Variants in SLIT3 observed in about 807,000 individuals in gnomAD.
The protein encoded by SLIT3 is slit homolog 3 protein.
A neutral mutation model predicts 184.0 loss-of-function variants in SLIT3; 68 were observed. The observed-to-expected ratio is 0.37, with a 90% CI of 0.30 to 0.45. The LOEUF (loss-of-function observed/expected upper bound fraction) is 0.45, where lower values mean the gene tolerates loss of function less well. SLIT3 is among the 20% of genes least tolerant of loss of function. The pLI is 1.00. For missense variants in SLIT3, 1,707 were observed against 2,026.0 expected, an observed-to-expected ratio of 0.84 and a Z score of 3.02; for synonymous variants, 831 against 828.6, an observed-to-expected ratio of 1.00 and a Z score of -0.05.
In SLIT3 at chr5:169,300,626, C is replaced by T. The variant is rs777563007; in HGVS notation, c.84G>A (p.Gly28=). ...LALALASVLS[G]PPAVACPTKC... is the part of the protein sequence containing the mutation. ...TGGTGGGGCAGGCGACGGCTGGAGG[C>T]CCACTCAGGACGCTCGCCAGCGCCA... The change falls in exon 1 of 36, where the codon GGG becomes GGA. Residue 28 remains glycine (G), a synonymous_variant. Coordinates refer to ENST00000519560, the MANE Select transcript of SLIT3 (RefSeq NM_003062.4). This position sits in a 1 kb window ranked among gnomAD's most constrained non-coding sequence, Gnocchi z 4.1. 1.3e-4 allele frequency: 197 copies of T among 1,501,352 alleles called. 1 individual carries two copies. Among genetic ancestry groups the T allele is most frequent in the Non-Finnish European group, 9.9e-5 (112 of 1,130,602 alleles). 93.0% of individuals were successfully genotyped at this position (1,501,352 alleles called of 1,614,324 possible).
At chr5:168,748,242 A>T (rs927268990) in intron 20 of SLIT3, 60 bp downstream of exon 20, 14 of 1,429,416 alleles carry the variant, frequency 9.8e-6, no homozygotes, top group Non-Finnish European at 1.3e-5. Flanking sequence ...GGGGTAAAGT[A>T]TGGAGGATGC....
intron 4 of SLIT3, among the ~76,000 whole-genome samples, chr5:168,920,561 C>T (rs534766944): frequency 2.6e-5 from 4 of 152,248 alleles, no homozygotes; most frequent in African/African-American, 9.6e-5. Flanking sequence ...TACAGCTCCC[C>T]GACTTCCTTA....
At chr5:168,919,990 A>C (rs1040281064) in intron 4 of SLIT3, among the ~76,000 whole-genome samples, 1 of 152,050 alleles carries the variant, frequency 6.6e-6, no homozygotes. Flanking sequence ...ATATAGTACT[A>C]AGTTATTTAG....
At chr5:168,989,355 T>C (rs781389380) in intron 4 of SLIT3, among the ~76,000 whole-genome samples, 3 of 152,234 alleles carry the variant, frequency 2.0e-5, no homozygotes, top group African/African-American at 7.2e-5. Flanking sequence ...GTGATTCTTC[T>C]ACAAAATAGA....
At chr5:168,685,340 C>A (rs938610621) in intron 31 of SLIT3, among the ~76,000 whole-genome samples, 1 of 152,196 alleles carries the variant, frequency 6.6e-6, no homozygotes, top group Non-Finnish European at 1.5e-5. Context: ...AGCCAGCCAC[C>A]CAGAATGAGA....
chr5:168,998,703 C>G (rs568613686), intron 4 of SLIT3, among the ~76,000 whole-genome samples: 20 of 86,244 alleles, frequency 2.3e-4, no homozygotes, highest in African/African-American at 1.0e-3. Flanking sequence ...GACTCCATTT[C>G]AAAACAAAAC....
intron 4 of SLIT3, among the ~76,000 whole-genome samples, chr5:169,155,574 T>C (rs1323947265): frequency 2.0e-5 from 3 of 152,308 alleles, no homozygotes; most frequent in Non-Finnish European, 2.9e-5. Context: ...AGAGAAAATA[T>C]GAGCCTGAGT....
chr5:169,152,106 A>G (rs1264715387), intron 4 of SLIT3, among the ~76,000 whole-genome samples: 1 of 152,208 alleles, frequency 6.6e-6, no homozygotes, highest in East Asian at 1.9e-4. Flanking sequence ...TTGACCAGGC[A>G]ACACTGGACC....
In SLIT3 at chr5:168,887,639, G is replaced by C. The variant is rs1760271369; in HGVS notation, c.414-4303C>G. Among the ~76,000 whole-genome samples the C allele has an allele frequency of 3.3e-5, 5 of 152,048 alleles. No homozygotes were observed. The South Asian group carries it at 1.0e-3, about 32-fold the overall frequency. ...GTCTCACATCTCCAACTGTCAAATG[G>C]GACTGCTTTCCTAAGTCATACGGAT... On this transcript the variant is annotated intron_variant, in intron 4 of 35. Coordinates refer to ENST00000519560, the MANE Select transcript of SLIT3 (RefSeq NM_003062.4).
At chr5:168,809,152 T>C (rs182357587) in intron 8 of SLIT3, among the ~76,000 whole-genome samples, 60 of 152,268 alleles carry the variant, frequency 3.9e-4, no homozygotes, top group African/African-American at 1.4e-3. Flanking sequence ...CTTCCAAAAG[T>C]ACCCCTTTCT....
intron 20 of SLIT3, among the ~76,000 whole-genome samples, chr5:168,731,287 G>A (rs973132727): frequency 1.1e-4 from 17 of 151,810 alleles, no homozygotes; most frequent in African/African-American, 3.9e-4. Flanking sequence ...GACTGAATCA[G>A]TAATACAAAA....
chr5:169,002,491 G>A (rs1374427285), intron 4 of SLIT3, among the ~76,000 whole-genome samples: 3 of 152,072 alleles, frequency 2.0e-5, no homozygotes, highest in Non-Finnish European at 4.4e-5. Context: ...ACATCAGGTG[G>A]GAGGATGGAC....
intron 4 of SLIT3, among the ~76,000 whole-genome samples, chr5:169,104,542 G>A (rs1303581026): frequency 2.0e-5 from 3 of 152,198 alleles, no homozygotes; most frequent in African/African-American, 7.2e-5. Context: ...ATGCATTGAT[G>A]AACTTTGGGT....
At chr5:168,778,237 A>T (rs568320108) in intron 12 of SLIT3, among the ~76,000 whole-genome samples, 1 of 152,310 alleles carries the variant, frequency 6.6e-6, no homozygotes, top group African/African-American at 2.4e-5. Context: ...CCACAACAGC[A>T]CTATGATTAT....
At chr5:168,840,415 C>G (rs1474819400) in intron 6 of SLIT3, among the ~76,000 whole-genome samples, 1 of 151,350 alleles carries the variant, frequency 6.6e-6, no homozygotes, top group Non-Finnish European at 1.5e-5. Context: ...TAACTTGTCC[C>G]TACTTTTTTT....
At chr5:169,026,873 C>T (rs1039885781) in intron 4 of SLIT3, among the ~76,000 whole-genome samples, 1 of 152,102 alleles carries the variant, frequency 6.6e-6, no homozygotes, top group African/African-American at 2.4e-5. Context: ...GACCAGGTCT[C>T]TACTGTACCA....
chr5:169,079,097 C>T (rs1185830608), intron 4 of SLIT3, among the ~76,000 whole-genome samples: 1 of 152,138 alleles, frequency 6.6e-6, no homozygotes. Context: ...GAGACAGTGA[C>T]AGAGACAGAA....
At chr5:168,991,753 G>C (rs1278637443) in intron 4 of SLIT3, among the ~76,000 whole-genome samples, 3 of 152,230 alleles carry the variant, frequency 2.0e-5, no homozygotes, top group African/African-American at 7.2e-5. Context: ...AGAGGAGAAA[G>C]TGCCTGTCTC....
chr5:169,223,167 G>T (rs1245800195), intron 3 of SLIT3, among the ~76,000 whole-genome samples: 1 of 152,102 alleles, frequency 6.6e-6, no homozygotes, highest in Non-Finnish European at 1.5e-5. Context: ...TGCCTGTTTT[G>T]ATAGCATCTG....
Sources: allele counts gnomAD v4.1 joint callset (sites outside exome capture counted in the v4.1 genomes callset), GRCh38; gene constraint gnomAD v4.1.1; non-coding constraint Gnocchi (gnomAD v3.1); transcripts MANE v1.5; gene names NCBI Gene and HGNC (gene_info 2026-07-23, HGNC 2026-07-21).